The following OSCAR variants were observed in gnomAD, a reference collection of about 807,000 sequenced individuals.
OSCAR encodes the protein osteoclast-associated immunoglobulin-like receptor.
A neutral mutation model predicts 27.3 loss-of-function variants in OSCAR; 25 were observed. That is an observed-to-expected ratio of 0.92 (90% CI 0.67 to 1.28). OSCAR has a LOEUF of 1.28. Ranked by LOEUF, OSCAR falls within the 50% of genes most tolerant of loss-of-function variation. OSCAR has a pLI of 0.00. For synonymous variants in OSCAR, 158 were observed against 165.7 expected, an observed-to-expected ratio of 0.95 and a Z score of 0.36; for missense variants, 354 against 355.1, an observed-to-expected ratio of 1.00 and a Z score of 0.03.
At chr19:54,095,834 T>C (rs1321320472) in intron 4 of OSCAR, 38 bp downstream of exon 4, 23 of 1,550,950 alleles carry the variant, frequency 1.5e-5, no homozygotes, top group Non-Finnish European at 2.0e-5. Flanking sequence ...CCTGCATTCC[T>C]GGGGCGGAGG....
In OSCAR at chr19:54,095,326, G is replaced by T. The variant is rs771704591; in HGVS notation, c.687C>A (p.Asn229Lys). The T allele has an allele frequency of 6.3e-7, 1 of 1,575,024 alleles. No homozygotes were observed. The highest frequency in any genetic ancestry group is 8.6e-7 in the Non-Finnish European group (1 of 1,160,524). Residue 229 changes from asparagine to lysine, a missense_variant, in exon 5 of 5, where the codon AAC (asparagine) becomes AAA (lysine). Asn to Lys is a moderately conservative substitution (Grantham distance 94). Coordinates refer to ENST00000358375, the MANE Select transcript of OSCAR (RefSeq NM_133169.6). The stretch of plus-strand genomic sequence containing the variant: ...GCCCGGCCAGCCCCAGGCGGACTAG[G>T]TTCCCCCGGGTGTAGTCGGAGGAGC... ...DSGSSDYTRG[N>K]LVRLGLAGLV...
At chr19:54,099,229 A>ATTTTTTTTTTT (rs1228940404) in intron 2 of OSCAR, among the ~76,000 whole-genome samples, 2 of 82,424 alleles carry the variant, frequency 2.4e-5, no homozygotes, top group African/African-American at 5.0e-5. Flanking sequence ...CACCCGGCTA[A>ATTTTTTTTTTT]TTTTTTTTTT....
rs143751107 is a variant in OSCAR at position 54,095,602 on chromosome 19, G to C, written c.656-245C>G. 322 of 1,130,750 alleles carry C rather than the reference G, an allele frequency of 2.8e-4. 1 individual carries two copies. The East Asian group carries it at 8.2e-3, about 29-fold the overall frequency. 70.0% of individuals were successfully genotyped at this position (1,130,750 alleles called of 1,614,324 possible). A position where few individuals can be genotyped will look rare whatever the true frequency, so the allele number is the denominator to read the frequency against. On this transcript the variant is annotated intron_variant, in intron 4 of 4. Coordinates refer to ENST00000358375, the MANE Select transcript of OSCAR (RefSeq NM_133169.6). ...TGGGTCCAGGAAGGAGGGGCTGGGG[G>C]CCTGGAGTCCTGGGTCTGAGGGAGG...
chr19:54,097,253 G>T, intron 2 of OSCAR, 89 bp from the exon 3 acceptor site: 1 of 1,288,930 alleles, frequency 7.8e-7, no homozygotes, highest in South Asian at 1.4e-5. Flanking sequence ...AATCACCTTG[G>T]ACAATTACTG....
intron 2 of OSCAR, among the ~76,000 whole-genome samples, chr19:54,098,332 A>G (rs912034531): frequency 6.6e-6 from 1 of 152,154 alleles, no homozygotes; most frequent in African/African-American, 2.4e-5. Context: ...TGGGAGGCCA[A>G]GGTGGGTGCA....
intron 1 of OSCAR, 53 bp downstream of exon 1, chr19:54,100,703 T>C (rs1172440507): frequency 2.6e-6 from 4 of 1,531,396 alleles, no homozygotes; most frequent in Non-Finnish European, 3.5e-6. Context: ...ATTGCCTCTC[T>C]CTCTGCCCCC....
At chr19:54,099,489 C>A in intron 2 of OSCAR, 2 of 1,164,980 alleles carry the variant, frequency 1.7e-6, no homozygotes, top group South Asian at 2.5e-5. Context: ...CAAGCTGTGA[C>A]TTGTTCTAGG....
intron 1 of OSCAR, among the ~76,000 whole-genome samples, chr19:54,100,390 A>G (rs2146313075): frequency 6.6e-6 from 1 of 152,264 alleles, no homozygotes; most frequent in Non-Finnish European, 1.5e-5. Context: ...GAGTTCAGGA[A>G]TCTGGGTCCC....
intron 2 of OSCAR, among the ~76,000 whole-genome samples, chr19:54,099,229 A>ATTTTTTTTTTTTTT (rs1228940404): frequency 1.2e-5 from 1 of 82,428 alleles, no homozygotes; most frequent in Non-Finnish European, 2.1e-5. Context: ...CACCCGGCTA[A>ATTTTTTTTTTTTTT]TTTTTTTTTT....
chr19:54,096,272 C>A lies in OSCAR; in HGVS notation c.374-119G>T, dbSNP rs587624921. On this transcript the variant is annotated intron_variant, in intron 3 of 4. Coordinates refer to ENST00000358375, the MANE Select transcript of OSCAR (RefSeq NM_133169.6). Reference sequence around the variant, plus strand: ...TGTGCCTCTCTCTCTCTTTCTGCCTCTCTTTCTCTCTGCCTGTCTCTCTCT... The same window carrying A: ...TGTGCCTCTCTCTCTCTTTCTGCCTATCTTTCTCTCTGCCTGTCTCTCTCT... 4 of 904,866 alleles carry A rather than the reference C, an allele frequency of 4.4e-6. No homozygotes were observed. In the East Asian group the frequency reaches 1.2e-4, roughly 28 times the overall value. 56.1% of individuals were successfully genotyped at this position (904,866 alleles called of 1,614,324 possible). A position where few individuals can be genotyped will look rare whatever the true frequency, so the allele number is the denominator to read the frequency against.
chr19:54,096,175 C>T (rs1404446167), intron 3 of OSCAR, 22 bp from the exon 4 acceptor site: 5 of 1,479,994 alleles, frequency 3.4e-6, no homozygotes, highest in Admixed American at 2.5e-5. Flanking sequence ...GGGTGAGAGT[C>T]CGGGGCCGCG....
chr19:54,096,800 C>G, intron 3 of OSCAR, 62 bp downstream of exon 3: 2 of 1,545,284 alleles, frequency 1.3e-6, no homozygotes, highest in Non-Finnish European at 8.8e-7. Context: ...CCCTATATCT[C>G]TCTGTCCCTC....
intron 4 of OSCAR, chr19:54,095,642 G>A: frequency 2.0e-6 from 2 of 1,007,350 alleles, no homozygotes. Flanking sequence ...ACTGGGGCCC[G>A]GGAATCCTGG....
Position 54,096,164 on chromosome 19 carries a change from G to A in OSCAR, c.374-11C>T, listed in dbSNP as rs1166909767. 2 of 1,500,246 alleles carry A rather than the reference G, an allele frequency of 1.3e-6. No homozygotes were observed. The highest frequency in any genetic ancestry group is 2.3e-5 in the Admixed American group (1 of 44,122). 92.9% of individuals were successfully genotyped at this position (1,500,246 alleles called of 1,614,324 possible). A position where few individuals can be genotyped will look rare whatever the true frequency, so the allele number is the denominator to read the frequency against. ...GCCGCGGCAGCTCCTCTGCAGAGAC[G>A]GGGTGAGAGTCCGGGGCCGCGTGAG... On this transcript the variant is annotated splice_polypyrimidine_tract_variant and intron_variant, in intron 3 of 4. Transcript: ENST00000358375.
chr19:54,096,777 T>G, intron 3 of OSCAR, 85 bp downstream of exon 3: 1 of 1,439,678 alleles, frequency 6.9e-7, no homozygotes. Flanking sequence ...CCCGCCTCGC[T>G]CTGTCTCTCT....
rs2073003361 is a variant in OSCAR at position 54,100,740 on chromosome 19, G to A, written c.37+16C>T. The A allele has an allele frequency of 2.6e-6, 4 of 1,551,588 alleles. No individual in the cohort carries two copies. In the East Asian group the frequency reaches 7.3e-5, roughly 28 times the overall value. On this transcript the variant is annotated intron_variant, in intron 1 of 4. Transcript: ENST00000358375. ...ACCCCAGCCAGGAACCCAGGGAGAA[G>A]AAAGGGGTGACTCACAGAGGGTCAG...
In OSCAR at chr19:54,095,305, G is replaced by C. The variant is rs940110843; in HGVS notation, c.708C>G (p.Ala236=). The C allele has an allele frequency of 1.9e-6, 3 of 1,587,676 alleles. No individual in the cohort carries two copies. The African/African-American group carries it at 4.0e-5, about 21-fold the overall frequency. The change falls in exon 5 of 5, where the codon GCC becomes GCG. Residue 236 remains alanine (A), a synonymous_variant. Coordinates refer to ENST00000358375, the MANE Select transcript of OSCAR (RefSeq NM_133169.6). ...CGCCCAGGGAGATGAGGACCAGCCC[G>C]GCCAGCCCCAGGCGGACTAGGTTCC... The part of the protein sequence containing the change: ...TRGNLVRLGL[A]GLVLISLGAL...
rs1389704911 is a variant in OSCAR at position 54,096,844 on chromosome 19, C to T, written c.373+18G>A. ...CCCTTGTTCCACCCACTTCTCCTCC[C>T]CGACCCCAGGACCTCACCTGTCACC... On this transcript the variant is annotated intron_variant, in intron 3 of 4. Coordinates refer to ENST00000358375, the MANE Select transcript of OSCAR (RefSeq NM_133169.6). The T allele has an allele frequency of 8.1e-6, 13 of 1,606,160 alleles. No homozygotes were observed. The Admixed American group carries it at 2.0e-4, about 25-fold the overall frequency.
Position 54,095,114 on chromosome 19 carries a change from A to G in OSCAR, c.*107T>C, listed in dbSNP as rs1187472649. 3 of 1,472,702 alleles carry G rather than the reference A, an allele frequency of 2.0e-6. No homozygotes were observed. The highest frequency in any genetic ancestry group is 1.4e-5 in the African/African-American group (1 of 70,952). 91.2% of individuals were successfully genotyped at this position (1,472,702 alleles called of 1,614,324 possible). A position where few individuals can be genotyped will look rare whatever the true frequency, so the allele number is the denominator to read the frequency against. On this transcript the variant is annotated 3_prime_UTR_variant, in exon 5 of 5. Coordinates refer to ENST00000358375, the MANE Select transcript of OSCAR (RefSeq NM_133169.6). ...GCGGGGTCTAAGGACCGTTCCGCGG[A>G]GCTCAGCCAGCAGGACTGTGGGGCT...
Sources: gnomAD v4.1 joint callset for allele counts (sites outside exome capture counted in the v4.1 genomes callset) on GRCh38, gnomAD v4.1.1 for gene constraint, MANE v1.5 for transcripts, NCBI Gene and HGNC (gene_info 2026-07-23, HGNC 2026-07-21) for gene names.